Variants in NFIA observed in about 807,000 individuals in gnomAD.
NFIA encodes nuclear factor 1 A-type.
In NFIA, 8 loss-of-function variants were observed where a neutral mutation model predicts 62.8. The observed-to-expected ratio is 0.13, with a 90% CI of 0.07 to 0.23. NFIA has a LOEUF of 0.23. Among genes scored for constraint, NFIA ranks in the 10% least tolerant of loss-of-function variants. The probability of loss-of-function intolerance (pLI) is 1.00; values close to 1 mark genes in which losing one functional copy is unlikely to be tolerated. For missense variants in NFIA, 410 were observed against 642.1 expected, an observed-to-expected ratio of 0.64 and a Z score of 3.91; for synonymous variants, 235 against 238.1, an observed-to-expected ratio of 0.99 and a Z score of 0.12.
At chr1:61,424,462 A>G (rs1666776067) in intron 9 of NFIA, among the ~76,000 whole-genome samples, 1 of 152,122 alleles carries the variant, frequency 6.6e-6, no homozygotes, top group East Asian at 1.9e-4. Flanking sequence ...GATGAGCAGC[A>G]GGCGAGTGCA....
At chr1:61,110,919 G>A (rs1282910655) in intron 2 of NFIA, among the ~76,000 whole-genome samples, 1 of 152,122 alleles carries the variant, frequency 6.6e-6, no homozygotes, top group African/African-American at 2.4e-5. Context: ...AGAAATGTAA[G>A]AGTGATCTCT....
chr1:61,336,158 A>G (rs1661594687), intron 4 of NFIA, among the ~76,000 whole-genome samples: 2 of 152,114 alleles, frequency 1.3e-5, no homozygotes, highest in Admixed American at 6.5e-5. Flanking sequence ...CTATAATTGC[A>G]TTATAGAACT....
In NFIA at chr1:61,082,698, T is replaced by TCCTCTCTC. The variant is rs1646133651; in HGVS notation, c.-88_-81dup. 1.3e-6 allele frequency: 2 copies of TCCTCTCTC among 1,494,524 alleles called. No homozygotes were observed. The highest frequency in any genetic ancestry group is 1.4e-5 in the African/African-American group (1 of 69,314). The allele number at this position is 1,494,524 out of a possible 1,614,324, so 92.6% of individuals were successfully genotyped here. A position where few individuals can be genotyped will look rare whatever the true frequency, so the allele number is the denominator to read the frequency against. On this transcript the variant is annotated 5_prime_UTR_variant, in exon 1 of 11. Coordinates refer to ENST00000403491, the MANE Select transcript of NFIA (RefSeq NM_001134673.4). Reference sequence around the variant, plus strand: ...TCTCTCTCTCTCTCTCTCTCTCTCTTCCTCTCTCCCTCTTTCTCCTCTCTC... The same window carrying TCCTCTCTC: ...TCTCTCTCTCTCTCTCTCTCTCTCTTCCTCTCTCCCTCTCTCCCTCTTTCTCCTCTCTC...
chr1:61,319,790 AACACACACACACACACACACAC>A (rs58845526), intron 3 of NFIA, among the ~76,000 whole-genome samples: 9 of 139,618 alleles, frequency 6.4e-5, no homozygotes, highest in East Asian at 4.2e-4. Flanking sequence ...GGAAGAATTA[AACACACACACACACACACACAC>A]ACACACACAC....
chr1:61,320,122 T>A lies in NFIA; in HGVS notation c.626-12390T>A, dbSNP rs191452719. Among the ~76,000 whole-genome samples, 1,173 of 152,002 alleles carry A rather than the reference T, an allele frequency of 7.7e-3. 6 individuals are homozygous for A. The highest frequency in any genetic ancestry group is 0.045 in the Middle Eastern group (13 of 292). On this transcript the variant is annotated intron_variant, in intron 3 of 10. Coordinates refer to ENST00000403491, the MANE Select transcript of NFIA (RefSeq NM_001134673.4). ...TCCCATTCTACTTCTTTTTTTTTTT[T>A]AAACAAGAAAAATCCAGCCTAGAAT... is the stretch of plus-strand genomic sequence containing the variant.
rs142621760 is a variant in NFIA, at chr1:61,128,210, A to G, written c.559+39530A>G. On this transcript the variant is annotated intron_variant, in intron 2 of 10. Coordinates refer to ENST00000403491, the MANE Select transcript of NFIA (RefSeq NM_001134673.4). ...AGGATGTTCCTGCCTCAGTCTCCCAAAGTGCTGGGATTACAGGCATGAGCC... is the reference window on the plus strand; with the variant it reads ...AGGATGTTCCTGCCTCAGTCTCCCAGAGTGCTGGGATTACAGGCATGAGCC... Among the ~76,000 whole-genome samples the G allele has an allele frequency of 7.6e-3, 1,152 of 152,204 alleles. 6 individuals are homozygous for G. The highest frequency in any genetic ancestry group is 0.026 in the African/African-American group (1,075 of 41,536).
At chr1:61,314,230 A>AGCCT (rs1300662148) in intron 3 of NFIA, among the ~76,000 whole-genome samples, 1 of 152,054 alleles carries the variant, frequency 6.6e-6, no homozygotes, top group Non-Finnish European at 1.5e-5. Flanking sequence ...GTGCCCTCAG[A>AGCCT]GCCTGCTTCC....
intron 2 of NFIA, among the ~76,000 whole-genome samples, chr1:61,227,078 C>A (rs575558485): frequency 6.6e-6 from 1 of 152,276 alleles, no homozygotes; most frequent in African/African-American, 2.4e-5. Context: ...TGGTGTTGAA[C>A]CAGTGCCATA....
At chr1:61,215,683 TAC>T (rs1228695036) in intron 2 of NFIA, among the ~76,000 whole-genome samples, 1 of 152,224 alleles carries the variant, frequency 6.6e-6, no homozygotes, top group Non-Finnish European at 1.5e-5. Context: ...ATAAGGATGA[TAC>T]TATTTGACTT....
At chr1:61,086,512 A>G (rs1355184113) in intron 1 of NFIA, among the ~76,000 whole-genome samples, 1 of 152,184 alleles carries the variant, frequency 6.6e-6, no homozygotes, top group Non-Finnish European at 1.5e-5. Flanking sequence ...CACGTGTTAC[A>G]AAAGCTGACT....
chr1:61,384,619 A>G (rs1232807361), intron 7 of NFIA, among the ~76,000 whole-genome samples: 2 of 152,234 alleles, frequency 1.3e-5, no homozygotes, highest in Non-Finnish European at 2.9e-5. Context: ...TATTATCCTC[A>G]TAGTTAACAC....
intron 2 of NFIA, among the ~76,000 whole-genome samples, chr1:61,195,317 A>C (rs1455386936): frequency 6.6e-6 from 1 of 152,140 alleles, no homozygotes; most frequent in Non-Finnish European, 1.5e-5. Flanking sequence ...AATTAATATT[A>C]TCTTAGCCAT....
chr1:61,223,356 T>C (rs1015727365), intron 2 of NFIA, among the ~76,000 whole-genome samples: 1 of 152,162 alleles, frequency 6.6e-6, no homozygotes, highest in East Asian at 1.9e-4. Flanking sequence ...TTGTGTCATT[T>C]TTTTAAAAAA....
intron 3 of NFIA, among the ~76,000 whole-genome samples, chr1:61,311,330 G>A (rs1660101481): frequency 6.6e-6 from 1 of 152,140 alleles, no homozygotes; most frequent in African/African-American, 2.4e-5. Flanking sequence ...GGTGGAGGTT[G>A]CGGTGAGCCG....
chr1:61,290,533 C>A (rs574401504), intron 3 of NFIA, among the ~76,000 whole-genome samples: 11 of 152,272 alleles, frequency 7.2e-5, no homozygotes, highest in African/African-American at 2.6e-4. Context: ...AGAGGTTTAT[C>A]TTCTTTTAAA....
chr1:61,229,300 C>G (rs143615838), intron 2 of NFIA, among the ~76,000 whole-genome samples: 589 of 152,126 alleles, frequency 3.9e-3, no homozygotes, highest in Non-Finnish European at 5.9e-3. Context: ...TCAATATAAC[C>G]CGCAAATTAC....
At position 61,148,657 on chromosome 1, in the gene NFIA, A is replaced by G. The variant is rs557373677; in HGVS notation, c.559+59977A>G. ...TTTGCATGTACATCTTCCAAACTCT[A>G]TTGGTACTTTCCATTTAGATATGGG... On this transcript the variant is annotated intron_variant, in intron 2 of 10. Transcript: ENST00000403491. 2.6e-5 allele frequency among the ~76,000 whole-genome samples: 4 copies of G among 152,314 alleles called. No individual in the cohort carries two copies. In the South Asian group the frequency reaches 6.2e-4, roughly 24 times the overall value.
chr1:61,437,703 C>A (rs1037176185), intron 10 of NFIA, among the ~76,000 whole-genome samples: 1 of 152,140 alleles, frequency 6.6e-6, no homozygotes, highest in African/African-American at 2.4e-5. Flanking sequence ...TGGGGAGAAG[C>A]ATGGAGCTCA....
chr1:61,341,228 T>A (rs911493319), intron 4 of NFIA, among the ~76,000 whole-genome samples: 5 of 151,856 alleles, frequency 3.3e-5, no homozygotes, highest in African/African-American at 1.2e-4. Flanking sequence ...CGCGCCCGGC[T>A]AATTTTTTGT....
Sources: gnomAD v4.1 joint callset for allele counts (sites outside exome capture counted in the v4.1 genomes callset) on GRCh38, gnomAD v4.1.1 for gene constraint, MANE v1.5 for transcripts, NCBI Gene and HGNC (gene_info 2026-07-23, HGNC 2026-07-21) for gene names.